Variants in NBEA observed in about 807,000 individuals in gnomAD.
NBEA encodes the protein neurobeachin, also known as lysosomal-trafficking regulator 2.
A neutral mutation model predicts 343.4 loss-of-function variants in NBEA; 44 were observed. That is an observed-to-expected ratio of 0.13 (90% CI 0.10 to 0.16). The LOEUF is 0.16. Ranked by LOEUF, NBEA falls within the 10% of genes least tolerant of loss-of-function variation. The probability of loss-of-function intolerance (pLI) is 1.00; values close to 1 mark genes in which losing one functional copy is unlikely to be tolerated. For missense variants in NBEA, 2,555 were observed against 3,631.3 expected (o/e 0.70, Z 7.62); for synonymous variants, 1,175 against 1,238.7 (o/e 0.95, Z 1.08).
intron 40 of NBEA, among the ~76,000 whole-genome samples, chr13:35,455,096 G>T (rs575053668): frequency 9.9e-5 from 15 of 151,776 alleles, no homozygotes; most frequent in Non-Finnish European, 1.9e-4. Flanking sequence ...ATATATAAAA[G>T]TAATTAGAGT....
At chr13:35,297,641 A>G (rs1432478826) in intron 35 of NBEA, among the ~76,000 whole-genome samples, 1 of 151,956 alleles carries the variant, frequency 6.6e-6, no homozygotes, top group Admixed American at 6.6e-5. Context: ...CATTTCAATT[A>G]TGCTACAAAT....
At chr13:35,534,327 C>T (rs1424537385) in intron 41 of NBEA, among the ~76,000 whole-genome samples, 2 of 152,150 alleles carry the variant, frequency 1.3e-5, no homozygotes, top group Non-Finnish European at 2.9e-5. Context: ...CTCTTCCTAC[C>T]TGCTGCAACT....
intron 10 of NBEA, among the ~76,000 whole-genome samples, chr13:35,082,367 T>G (rs1001400925): frequency 6.9e-4 from 105 of 152,230 alleles, no homozygotes; most frequent in Non-Finnish European, 1.2e-3. Context: ...GAATAGTGCC[T>G]CAATAAACAT....
At chr13:35,109,777 G>A (rs1412469410) in intron 12 of NBEA, among the ~76,000 whole-genome samples, 7 of 151,928 alleles carry the variant, frequency 4.6e-5, no homozygotes, top group Middle Eastern at 3.4e-3. Context: ...TCATTTTGCT[G>A]GAAAATTGCT....
chr13:35,000,465 A>C (rs770012664), intron 1 of NBEA, among the ~76,000 whole-genome samples: 93 of 152,104 alleles, frequency 6.1e-4, no homozygotes, highest in Admixed American at 1.4e-3. Flanking sequence ...TGCTATAATA[A>C]TACCACCTAC....
At chr13:35,591,529 C>T (rs1593309029) in intron 46 of NBEA, among the ~76,000 whole-genome samples, 1 of 152,046 alleles carries the variant, frequency 6.6e-6, no homozygotes, top group Non-Finnish European at 1.5e-5. Flanking sequence ...TCAGGTGAAT[C>T]AATACTGTCC....
chr13:35,602,491 T>C (rs530792705), intron 47 of NBEA, among the ~76,000 whole-genome samples: 1 of 152,338 alleles, frequency 6.6e-6, no homozygotes, highest in East Asian at 1.9e-4. Flanking sequence ...ATAGCTCTGG[T>C]GTTTGAAACC....
intron 26 of NBEA, among the ~76,000 whole-genome samples, chr13:35,172,408 C>G (rs1322699366): frequency 6.6e-6 from 1 of 151,818 alleles, no homozygotes; most frequent in Non-Finnish European, 1.5e-5. Flanking sequence ...AAAGACATTT[C>G]CATTGACATA....
chr13:35,464,019 GAT>G (rs1220989817), intron 40 of NBEA, among the ~76,000 whole-genome samples: 10 of 152,082 alleles, frequency 6.6e-5, no homozygotes, highest in Middle Eastern at 3.2e-3. Flanking sequence ...AAAATCTGTA[GAT>G]AGAGGAAGAC....
At chr13:35,465,286 C>A (rs1159525171) in intron 40 of NBEA, among the ~76,000 whole-genome samples, 3 of 152,018 alleles carry the variant, frequency 2.0e-5, no homozygotes, top group African/African-American at 4.8e-5. Flanking sequence ...AGATTGCATA[C>A]TATATGACAG....
intron 38 of NBEA, among the ~76,000 whole-genome samples, chr13:35,415,236 A>C (rs957965905): frequency 2.6e-5 from 4 of 152,092 alleles, no homozygotes; most frequent in African/African-American, 9.7e-5. Flanking sequence ...TCTTTAGTTT[A>C]ATTAGATCCC....
chr13:35,168,355 A>G (rs1264835674), intron 24 of NBEA, among the ~76,000 whole-genome samples: 1 of 151,646 alleles, frequency 6.6e-6, no homozygotes, highest in Non-Finnish European at 1.5e-5. Context: ...TAAACTTAGT[A>G]TAATACCTAT....
intron 38 of NBEA, among the ~76,000 whole-genome samples, chr13:35,427,305 G>T (rs1255469072): frequency 6.6e-6 from 1 of 152,136 alleles, no homozygotes; most frequent in East Asian, 1.9e-4. Flanking sequence ...GTACAGATGG[G>T]TTTTTGGTGT....
At chr13:35,548,686 T>C (rs531435989) in intron 41 of NBEA, among the ~76,000 whole-genome samples, 1 of 152,254 alleles carries the variant, frequency 6.6e-6, no homozygotes, top group South Asian at 2.1e-4. Context: ...TCTTAAAATG[T>C]TTCCTACTTG....
chr13:35,602,319 A>T (rs533406674), intron 47 of NBEA, among the ~76,000 whole-genome samples: 49 of 152,344 alleles, frequency 3.2e-4, no homozygotes, highest in African/African-American at 1.2e-3. Flanking sequence ...TTGAAACAAG[A>T]TTGTAAAACA....
At chr13:35,635,477 T>C (rs1399019382) in intron 49 of NBEA, among the ~76,000 whole-genome samples, 1 of 152,196 alleles carries the variant, frequency 6.6e-6, no homozygotes, top group Non-Finnish European at 1.5e-5. Flanking sequence ...CTGCATGTTT[T>C]ACTGGGATGA....
intron 40 of NBEA, among the ~76,000 whole-genome samples, chr13:35,462,098 T>C: frequency 6.6e-6 from 1 of 152,200 alleles, no homozygotes; most frequent in Non-Finnish European, 1.5e-5. Context: ...TATTCTCTGA[T>C]GCTAGATCGA....
intron 41 of NBEA, chr13:35,474,055 T>C (rs2152959942): frequency 6.6e-6 from 1 of 152,244 alleles, no homozygotes; most frequent in Non-Finnish European, 1.5e-5. Flanking sequence ...TATGGACCTA[T>C]ACAGAAAGAG....
chr13:34,986,481 C>G (rs181765887), intron 1 of NBEA, among the ~76,000 whole-genome samples: 1 of 150,574 alleles, frequency 6.6e-6, no homozygotes, highest in African/African-American at 2.4e-5. Flanking sequence ...GGAATAAGTG[C>G]GACGTGTTGC....
Sources: allele counts gnomAD v4.1 joint callset (sites outside exome capture counted in the v4.1 genomes callset), GRCh38; gene constraint gnomAD v4.1.1; transcripts MANE v1.5; gene names NCBI Gene and HGNC (gene_info 2026-07-23, HGNC 2026-07-21).